ITGB3BP: variants seen among roughly 807,000 people sequenced by gnomAD.
ITGB3BP encodes integrin subunit beta 3 binding protein, also known as centromere protein R.
ITGB3BP carries 27 observed loss-of-function variants against 29.1 expected under a neutral mutation model. That is an observed-to-expected ratio of 0.93 (90% CI 0.68 to 1.28). The LOEUF (loss-of-function observed/expected upper bound fraction) is 1.28. ITGB3BP is among the 50% of genes most tolerant of loss of function. The pLI, the probability that ITGB3BP is intolerant of heterozygous loss-of-function variation, is 0.00. For missense variants in ITGB3BP, 192 were observed against 200.2 expected (o/e 0.96, Z 0.25); for synonymous variants, 61 against 61.4 (o/e 0.99, Z 0.03).
In ITGB3BP at chr1:63,482,908, C is replaced by T. The variant is rs540285568; in HGVS notation, c.185-4075G>A. On this transcript the variant is annotated intron_variant, in intron 3 of 8. Transcript: ENST00000271002. ...ACCTCAGGTGATCTGCCCGCCTCAG[C>T]CCCCCAAAGTGCTGGGATTTACAGG... 5.3e-5 allele frequency among the ~76,000 whole-genome samples: 8 copies of T among 152,198 alleles called. No homozygotes were observed. In the East Asian group the frequency reaches 1.5e-3, roughly 29 times the overall value.
At chr1:63,503,287 G>C (rs1399224372) in intron 2 of ITGB3BP, among the ~76,000 whole-genome samples, 15 of 152,134 alleles carry the variant, frequency 9.9e-5, no homozygotes, top group Non-Finnish European at 2.1e-4. Flanking sequence ...ATTTTTTCAT[G>C]TGTCTTTTGG....
intron 8 of ITGB3BP, among the ~76,000 whole-genome samples, chr1:63,446,019 T>C (rs376832000): frequency 2.0e-5 from 3 of 152,310 alleles, no homozygotes; most frequent in Admixed American, 6.5e-5. Context: ...TTCTCCTGCC[T>C]CAGCCTCCTG....
chr1:63,459,764 GT>G (rs1644986721), intron 4 of ITGB3BP, among the ~76,000 whole-genome samples: 1 of 152,052 alleles, frequency 6.6e-6, no homozygotes, highest in Admixed American at 6.6e-5. Context: ...ACCCAGGTGT[GT>G]TTGACCTATG....
At chr1:63,494,316 A>G (rs987832173) in intron 2 of ITGB3BP, among the ~76,000 whole-genome samples, 2 of 152,172 alleles carry the variant, frequency 1.3e-5, no homozygotes, top group African/African-American at 4.8e-5. Context: ...ACAAGGTTTC[A>G]CTATGTTCAC....
intron 4 of ITGB3BP, among the ~76,000 whole-genome samples, chr1:63,465,890 AT>A (rs200136197): frequency 5.4e-4 from 82 of 150,508 alleles, no homozygotes; most frequent in East Asian, 9.7e-4. Flanking sequence ...TTTTAATTAA[AT>A]TTTTTTTTTA....
At chr1:63,472,616 G>A (rs1194946505) in intron 4 of ITGB3BP, among the ~76,000 whole-genome samples, 2 of 150,456 alleles carry the variant, frequency 1.3e-5, no homozygotes, top group South Asian at 2.1e-4. Flanking sequence ...GATTGCAGGC[G>A]CGCGCCGCCA....
intron 2 of ITGB3BP, among the ~76,000 whole-genome samples, chr1:63,493,086 A>ACGCGCG (rs772254640): frequency 2.7e-4 from 37 of 134,596 alleles, no homozygotes; most frequent in Admixed American, 7.5e-4. Flanking sequence ...ACACACACAC[A>ACGCGCG]CACGCGCGCG....
chr1:63,465,675 C>A (rs958692363), intron 4 of ITGB3BP, among the ~76,000 whole-genome samples: 5 of 152,100 alleles, frequency 3.3e-5, no homozygotes, highest in African/African-American at 9.7e-5. Context: ...TAGGTGTGAG[C>A]CACCACATCC....
At chr1:63,523,229 A>G (rs1646505135), upstream of ITGB3BP, 1 of 1,563,680 alleles carries the variant, frequency 6.4e-7, no homozygotes, top group Non-Finnish European at 8.8e-7. Flanking sequence ...AAGGCATGAA[A>G]AGCGCGCGCT....
intron 8 of ITGB3BP, among the ~76,000 whole-genome samples, chr1:63,443,487 A>C (rs1644753866): frequency 6.6e-6 from 1 of 152,216 alleles, no homozygotes; most frequent in East Asian, 1.9e-4. Flanking sequence ...GGAATGAATA[A>C]GGCACAATGA....
intron 1 of ITGB3BP, among the ~76,000 whole-genome samples, chr1:63,522,242 A>T (rs1646467538): frequency 6.6e-6 from 1 of 152,230 alleles, no homozygotes; most frequent in Non-Finnish European, 1.5e-5. Context: ...CAATAAATAT[A>T]GGTTATCATT....
chr1:63,516,107 A>C (rs1266816133), intron 1 of ITGB3BP, among the ~76,000 whole-genome samples: 4 of 151,116 alleles, frequency 2.6e-5, no homozygotes, highest in Non-Finnish European at 5.9e-5. Flanking sequence ...GGAAATCATT[A>C]TCTTAACTGG....
chr1:63,472,550 C>T (rs1049215941), intron 4 of ITGB3BP, among the ~76,000 whole-genome samples: 17 of 149,536 alleles, frequency 1.1e-4, no homozygotes, highest in Non-Finnish European at 1.9e-4. Context: ...GCTGCCATCT[C>T]GGCTCACTGC....
intron 1 of ITGB3BP, among the ~76,000 whole-genome samples, chr1:63,520,674 T>C (rs1309143014): frequency 6.6e-6 from 1 of 152,198 alleles, no homozygotes; most frequent in Non-Finnish European, 1.5e-5. Flanking sequence ...GTGCAAGTTA[T>C]AAAACATTAG....
chr1:63,497,253 CAT>C lies in ITGB3BP; in HGVS notation c.49-7037_49-7036del, dbSNP rs142805699. Among the ~76,000 whole-genome samples, 1,472 of 152,218 alleles carry C rather than the reference CAT, an allele frequency of 9.7e-3. 23 individuals are homozygous for C. The highest frequency in any genetic ancestry group is 0.033 in the African/African-American group (1,360 of 41,524). ...CGAGGAGTTCGAGGCTGCAGTGAAA[CAT>C]GATTATACCACTGCACACCAGTTTG... On this transcript the variant is annotated intron_variant, in intron 2 of 8. Transcript: ENST00000271002.
chr1:63,522,438 C>A (rs957160689), intron 1 of ITGB3BP, among the ~76,000 whole-genome samples: 11 of 152,164 alleles, frequency 7.2e-5, no homozygotes, highest in Admixed American at 2.6e-4. Context: ...ATCCACCCCA[C>A]TCCCCCAACC....
In ITGB3BP at chr1:63,472,354, G is replaced by A. The variant is rs1324388159; in HGVS notation, c.254+6410C>T. ...CGTCTCTGGTATCTCTCCTAGCTAT[G>A]ATATTTTTGCAAAAAAAAAAAAAAA... On this transcript the variant is annotated intron_variant, in intron 4 of 8. Coordinates refer to ENST00000271002, the MANE Select transcript of ITGB3BP (RefSeq NM_014288.5). Among the ~76,000 whole-genome samples, 3 of 137,306 alleles carry A rather than the reference G, an allele frequency of 2.2e-5. No homozygotes were observed. In the East Asian group the frequency reaches 6.8e-4, roughly 31 times the overall value. The allele number at this position is 137,306 out of a possible 152,430, so 90.1% of individuals were successfully genotyped here.
At chr1:63,467,522 C>CTGAT (rs55927407) in intron 4 of ITGB3BP, among the ~76,000 whole-genome samples, 59,524 of 149,608 alleles carry the variant, frequency 0.4, 13,298 homozygotes, top group Non-Finnish European at 0.51. Context: ...TGCTTGCTTG[C>CTGAT]TGATTGATTG....
intron 2 of ITGB3BP, among the ~76,000 whole-genome samples, chr1:63,492,054 T>G (rs529499646): frequency 6.6e-6 from 1 of 152,310 alleles, no homozygotes; most frequent in South Asian, 2.1e-4. Flanking sequence ...TATATCTATC[T>G]GTTTTTCTAT....
Sources: gnomAD v4.1 joint callset for allele counts (sites outside exome capture counted in the v4.1 genomes callset) on GRCh38, gnomAD v4.1.1 for gene constraint, MANE v1.5 for transcripts, NCBI Gene and HGNC (gene_info 2026-07-23, HGNC 2026-07-21) for gene names.